RABGAP1L: variants seen among roughly 807,000 people sequenced by gnomAD.
RABGAP1L encodes RAB GTPase activating protein 1 like.
Under a neutral mutation model 137.7 loss-of-function variants are expected in RABGAP1L, and 63 were observed. The ratio of observed to expected loss-of-function variants is 0.46; its 90% CI spans 0.37 to 0.56. The LOEUF is 0.56. RABGAP1L is among the 20% of genes least tolerant of loss of function. The probability of loss-of-function intolerance (pLI) is 0.00; values close to 1 mark genes in which losing one functional copy is unlikely to be tolerated. For missense variants in RABGAP1L, 1,095 were observed against 1,244.0 expected, an observed-to-expected ratio of 0.88 and a Z score of 1.80; for synonymous variants, 431 against 433.7, an observed-to-expected ratio of 0.99 and a Z score of 0.08.
chr1:174,526,407 G>A (rs1663877342), intron 13 of RABGAP1L, among the ~76,000 whole-genome samples: 1 of 152,086 alleles, frequency 6.6e-6, no homozygotes, highest in African/African-American at 2.4e-5. Flanking sequence ...AATAGTTTGA[G>A]GAGGATTGGT....
At chr1:174,242,497 C>G (rs961123978) in intron 5 of RABGAP1L, among the ~76,000 whole-genome samples, 5 of 152,274 alleles carry the variant, frequency 3.3e-5, no homozygotes, top group African/African-American at 1.2e-4. Context: ...TTATTCTAGC[C>G]TCTATCATGA....
At chr1:174,502,379 C>T (rs147089222) in intron 13 of RABGAP1L, among the ~76,000 whole-genome samples, 154 of 151,652 alleles carry the variant, frequency 1.0e-3, no homozygotes, top group African/African-American at 3.4e-3. Context: ...ACAAACCCCA[C>T]TGAAGTCCAC....
At chr1:174,350,897 C>T (rs1198514051) in intron 11 of RABGAP1L, among the ~76,000 whole-genome samples, 9 of 106,632 alleles carry the variant, frequency 8.4e-5, no homozygotes, top group Non-Finnish European at 1.6e-4. Flanking sequence ...GAGACCGGCC[C>T]GGCCAACACA....
intron 13 of RABGAP1L, among the ~76,000 whole-genome samples, chr1:174,623,007 A>G (rs1350213383): frequency 6.6e-6 from 1 of 152,210 alleles, no homozygotes; most frequent in Non-Finnish European, 1.5e-5. Context: ...TATGTGATCA[A>G]CTTTTCACTT....
chr1:174,410,161 CT>C (rs1226811331), intron 13 of RABGAP1L, among the ~76,000 whole-genome samples: 1 of 152,150 alleles, frequency 6.6e-6, no homozygotes, highest in Non-Finnish European at 1.5e-5. Flanking sequence ...TGTGTCACCC[CT>C]GGAGGCCCAG....
At chr1:174,636,371 CA>C (rs968219133) in intron 13 of RABGAP1L, among the ~76,000 whole-genome samples, 3 of 151,328 alleles carry the variant, frequency 2.0e-5, no homozygotes, top group Non-Finnish European at 4.4e-5. Context: ...TACACACACA[CA>C]AAAAAAATAG....
chr1:174,765,551 C>T (rs1685596972), intron 18 of RABGAP1L, among the ~76,000 whole-genome samples: 1 of 152,032 alleles, frequency 6.6e-6, no homozygotes, highest in Non-Finnish European at 1.5e-5. Context: ...CCTCCTACAT[C>T]AGACTCCCAA....
intron 11 of RABGAP1L, among the ~76,000 whole-genome samples, chr1:174,351,120 CTTA>C (rs1362655700): frequency 9.0e-5 from 13 of 144,858 alleles, no homozygotes; most frequent in Non-Finnish European, 1.4e-4. Context: ...CTATTTATAT[CTTA>C]TTATCTTGTC....
chr1:174,953,049 AAAAG>A (rs1166153562), intron 19 of RABGAP1L, among the ~76,000 whole-genome samples: 44 of 151,734 alleles, frequency 2.9e-4, no homozygotes, highest in Non-Finnish European at 5.2e-4. Context: ...AAAAAAAAAA[AAAAG>A]AACTAATGCA....
chr1:174,434,140 CA>C (rs1652981126), intron 13 of RABGAP1L, among the ~76,000 whole-genome samples: 2 of 151,914 alleles, frequency 1.3e-5, no homozygotes, highest in African/African-American at 4.8e-5. Context: ...CACACACACA[CA>C]CACACACACA....
chr1:174,890,504 T>C (rs1655949566), intron 19 of RABGAP1L, among the ~76,000 whole-genome samples: 1 of 152,218 alleles, frequency 6.6e-6, no homozygotes, highest in Admixed American at 6.5e-5. Flanking sequence ...TGTAGACACT[T>C]TTTAAAGTAC....
chr1:174,327,355 T>C (rs1374990569), intron 11 of RABGAP1L, among the ~76,000 whole-genome samples: 2 of 152,066 alleles, frequency 1.3e-5, no homozygotes, highest in African/African-American at 2.4e-5. Context: ...TAAAAAGATG[T>C]AAATTATGAT....
chr1:174,905,576 T>C (rs183692237), intron 19 of RABGAP1L, among the ~76,000 whole-genome samples: 246 of 151,462 alleles, frequency 1.6e-3, no homozygotes, highest in Non-Finnish European at 2.8e-3. Context: ...GAAGTCTGGG[T>C]GTGGTGGCTC....
intron 13 of RABGAP1L, among the ~76,000 whole-genome samples, chr1:174,529,197 T>A (rs1664181597): frequency 6.6e-6 from 1 of 152,102 alleles, no homozygotes; most frequent in Admixed American, 6.6e-5. Context: ...GTATTAATAT[T>A]TCCTTGCTTT....
At chr1:174,787,286 C>T (rs1003092192) in intron 18 of RABGAP1L, among the ~76,000 whole-genome samples, 6 of 151,774 alleles carry the variant, frequency 4.0e-5, no homozygotes, top group African/African-American at 1.2e-4. Flanking sequence ...GCCTGTAATC[C>T]CAGCTACTTG....
intron 13 of RABGAP1L, among the ~76,000 whole-genome samples, chr1:174,423,830 G>A (rs1651640324): frequency 6.6e-6 from 1 of 151,932 alleles, no homozygotes; most frequent in Admixed American, 6.6e-5. Flanking sequence ...GGTAATTTAA[G>A]TACAGAAGAT....
intron 19 of RABGAP1L, among the ~76,000 whole-genome samples, chr1:174,946,670 G>A (rs1666811938): frequency 6.6e-6 from 1 of 151,880 alleles, no homozygotes; most frequent in Non-Finnish European, 1.5e-5. Flanking sequence ...AGAGGCCGAG[G>A]CAGGTGGATC....
chr1:174,815,035 A>G (rs920771013), intron 19 of RABGAP1L, among the ~76,000 whole-genome samples: 5 of 152,138 alleles, frequency 3.3e-5, no homozygotes, highest in African/African-American at 1.2e-4. Flanking sequence ...CCGGATCCCA[A>G]GAAAATCCCC....
intron 17 of RABGAP1L, among the ~76,000 whole-genome samples, chr1:174,748,521 T>C (rs1479022413): frequency 6.6e-6 from 1 of 152,132 alleles, no homozygotes; most frequent in Non-Finnish European, 1.5e-5. Context: ...CCTGAGAACA[T>C]GTGCCCAAGG....
Sources: gnomAD v4.1 joint callset for allele counts (sites outside exome capture counted in the v4.1 genomes callset) on GRCh38, gnomAD v4.1.1 for gene constraint, MANE v1.5 for transcripts, NCBI Gene and HGNC (gene_info 2026-07-23, HGNC 2026-07-21) for gene names.